The following DGKB variants were observed in gnomAD, a reference collection of about 807,000 sequenced individuals.
The protein encoded by DGKB is diacylglycerol kinase beta.
A neutral mutation model predicts 114.3 loss-of-function variants in DGKB; 67 were observed. The observed-to-expected ratio is 0.59, with a 90% CI of 0.48 to 0.72. The LOEUF is 0.72. Among genes scored for constraint, DGKB ranks in the 30% least tolerant of loss-of-function variants. The probability of loss-of-function intolerance (pLI) is 0.00; values close to 1 mark genes in which losing one functional copy is unlikely to be tolerated. For synonymous variants in DGKB, 398 were observed against 323.1 expected (o/e 1.23, Z -2.49); for missense variants, 907 against 975.2 (o/e 0.93, Z 0.93).
intron 1 of DGKB, among the ~76,000 whole-genome samples, chr7:14,864,771 G>A (rs1455968256): frequency 6.7e-6 from 1 of 148,258 alleles, no homozygotes; most frequent in African/African-American, 2.4e-5. Flanking sequence ...AGAGGCTATG[G>A]ACAAAGGGAT....
chr7:14,817,263 T>C (rs185463897), intron 2 of DGKB, among the ~76,000 whole-genome samples: 1 of 152,140 alleles, frequency 6.6e-6, no homozygotes, highest in Non-Finnish European at 1.5e-5. Flanking sequence ...CCACTGAGAG[T>C]GCATCCCATT....
intron 13 of DGKB, among the ~76,000 whole-genome samples, chr7:14,659,991 C>A (rs1401590204): frequency 6.6e-6 from 1 of 151,130 alleles, no homozygotes; most frequent in Non-Finnish European, 1.5e-5. Context: ...TTGAGATAAT[C>A]ATGTGGTTTT....
chr7:14,752,320 C>T (rs1178930051), intron 4 of DGKB, among the ~76,000 whole-genome samples: 1 of 131,150 alleles, frequency 7.6e-6, no homozygotes, highest in Non-Finnish European at 1.5e-5. Flanking sequence ...GGTTTTGAAT[C>T]CCCAGGTTCC....
chr7:14,875,121 G>A lies in DGKB; in HGVS notation c.-188+27471C>T, dbSNP rs1182053310. Among the ~76,000 whole-genome samples, 9 of 151,840 alleles carry A rather than the reference G, an allele frequency of 5.9e-5. 1 individual carries two copies. Among genetic ancestry groups the A allele is most frequent in the Admixed American group, 5.9e-4 (9 of 15,224 alleles). ...AGATGAATTCCCCTGAAAGCCATAG[G>A]GAGAATACCAAAATAATAATAATAA... On this transcript the variant is annotated intron_variant, in intron 1 of 25. Coordinates refer to ENST00000402815, the MANE Select transcript of DGKB (RefSeq NM_001350709.2).
At chr7:14,395,723 A>G (rs1187520217) in intron 21 of DGKB, among the ~76,000 whole-genome samples, 1 of 151,888 alleles carries the variant, frequency 6.6e-6, no homozygotes, top group African/African-American at 2.4e-5. Flanking sequence ...TTTAGGTTCC[A>G]TTAATTTATT....
intron 1 of DGKB, among the ~76,000 whole-genome samples, chr7:14,850,078 C>A (rs1461490500): frequency 6.6e-6 from 1 of 152,132 alleles, no homozygotes; most frequent in African/African-American, 2.4e-5. Context: ...AGAAAAGAAT[C>A]CCTCAAGGAG....
chr7:14,566,564 G>GT (rs1797411315), intron 20 of DGKB, among the ~76,000 whole-genome samples: 1 of 152,120 alleles, frequency 6.6e-6, no homozygotes, highest in Non-Finnish European at 1.5e-5. Flanking sequence ...GCTGCAAATG[G>GT]ATCGGGTTAC....
intron 23 of DGKB, among the ~76,000 whole-genome samples, chr7:14,261,964 C>A (rs757037801): frequency 6.6e-6 from 1 of 152,118 alleles, no homozygotes; most frequent in Non-Finnish European, 1.5e-5. Context: ...CATGATAATA[C>A]GATTATGCAT....
At chr7:14,570,553 G>T (rs1205677597) in intron 20 of DGKB, among the ~76,000 whole-genome samples, 1 of 151,986 alleles carries the variant, frequency 6.6e-6, no homozygotes, top group African/African-American at 2.4e-5. Flanking sequence ...TATATATTTT[G>T]TATGTTATGC....
intron 2 of DGKB, among the ~76,000 whole-genome samples, chr7:14,798,666 C>A (rs1026991021): frequency 6.6e-6 from 1 of 152,104 alleles, no homozygotes; most frequent in African/African-American, 2.4e-5. Flanking sequence ...ACACTAATCC[C>A]AGGACACCCA....
At chr7:14,884,292 T>C (rs907422031) in intron 1 of DGKB, among the ~76,000 whole-genome samples, 1 of 151,976 alleles carries the variant, frequency 6.6e-6, no homozygotes, top group Non-Finnish European at 1.5e-5. Flanking sequence ...ACTATATCCA[T>C]TATTGAAACG....
At chr7:14,441,175 A>AT (rs1384957994) in intron 21 of DGKB, among the ~76,000 whole-genome samples, 2 of 151,840 alleles carry the variant, frequency 1.3e-5, no homozygotes, top group African/African-American at 2.4e-5. Context: ...CACCCAGCTA[A>AT]TTTTTTGTAT....
At chr7:14,524,266 G>T (rs1038766642) in intron 20 of DGKB, among the ~76,000 whole-genome samples, 2 of 151,984 alleles carry the variant, frequency 1.3e-5, no homozygotes, top group Non-Finnish European at 2.9e-5. Flanking sequence ...TATTCATAAG[G>T]AATTGGTTTC....
chr7:14,163,981 G>C (rs537490778), intron 25 of DGKB, among the ~76,000 whole-genome samples: 142 of 150,150 alleles, frequency 9.5e-4, no homozygotes, highest in Non-Finnish European at 1.8e-3. Context: ...GGCAACAGCA[G>C]AGAAACTCCA....
intron 2 of DGKB, among the ~76,000 whole-genome samples, chr7:14,827,442 C>CACAG (rs535322245): frequency 2.7e-4 from 41 of 151,876 alleles, no homozygotes; most frequent in African/African-American, 8.4e-4. Context: ...GAGAGACAGA[C>CACAG]ACAGACAGAC....
intron 20 of DGKB, among the ~76,000 whole-genome samples, chr7:14,552,129 CCTTA>C (rs1457446960): frequency 2.0e-5 from 3 of 151,996 alleles, no homozygotes; most frequent in East Asian, 3.9e-4. Flanking sequence ...TTCCCTGAGC[CCTTA>C]CTTATTTGTA....
intron 1 of DGKB, among the ~76,000 whole-genome samples, chr7:14,851,625 T>G (rs1586912278): frequency 6.6e-6 from 1 of 152,324 alleles, no homozygotes; most frequent in Admixed American, 6.5e-5. Context: ...CCCCTTGCAC[T>G]TAATACCTTT....
chr7:14,248,905 G>T (rs539661384), intron 23 of DGKB, among the ~76,000 whole-genome samples: 78 of 152,234 alleles, frequency 5.1e-4, no homozygotes, highest in African/African-American at 1.8e-3. Flanking sequence ...AGAGAGAGCA[G>T]TCTTGACTCA....
At chr7:14,501,524 T>C (rs1274009399) in intron 20 of DGKB, among the ~76,000 whole-genome samples, 1 of 151,868 alleles carries the variant, frequency 6.6e-6, no homozygotes, top group Non-Finnish European at 1.5e-5. Context: ...TGGAGAAACT[T>C]GCTTAATGAA....
Sources: gnomAD v4.1 joint callset for allele counts (sites outside exome capture counted in the v4.1 genomes callset) on GRCh38, gnomAD v4.1.1 for gene constraint, MANE v1.5 for transcripts, NCBI Gene and HGNC (gene_info 2026-07-23, HGNC 2026-07-21) for gene names.